The following GABBR2 variants were observed in gnomAD, a reference collection of about 807,000 sequenced individuals.
GABBR2 encodes the protein G-protein coupled receptor 51.
A neutral mutation model predicts 105.6 loss-of-function variants in GABBR2; 23 were observed. That is an observed-to-expected ratio of 0.22 (90% CI 0.16 to 0.31). The LOEUF (loss-of-function observed/expected upper bound fraction) is 0.31, where lower values mean the gene tolerates loss of function less well. Among genes scored for constraint, GABBR2 ranks in the 10% least tolerant of loss-of-function variants. The probability of loss-of-function intolerance (pLI) is 1.00; values close to 1 mark genes in which losing one functional copy is unlikely to be tolerated. For missense variants in GABBR2, 734 were observed against 1,245.5 expected (o/e 0.59, Z 6.18); for synonymous variants, 478 against 499.7 (o/e 0.96, Z 0.58).
intron 3 of GABBR2, among the ~76,000 whole-genome samples, chr9:98,531,801 T>A (rs187589414): frequency 2.7e-4 from 41 of 152,362 alleles, no homozygotes; most frequent in African/African-American, 9.6e-4. Context: ...CCATTGATTA[T>A]CTGCTTTAGA....
rs1830933257 is a variant in GABBR2 at position 98,708,570 on chromosome 9, G to C, written c.168C>G (p.Leu56=). 1 of 1,547,474 alleles carries C rather than the reference G, an allele frequency of 6.5e-7. No individual in the cohort carries two copies. Among genetic ancestry groups the C allele is most frequent in the Non-Finnish European group, 8.7e-7 (1 of 1,150,760 alleles). The change falls in exon 1 of 19, where the codon CTC becomes CTG. Residue 56 remains leucine (L), a synonymous_variant. Coordinates refer to ENST00000259455, the MANE Select transcript of GABBR2 (RefSeq NM_005458.8). ...TGAGCGGCATGAGGCCCATGATGGA[G>C]AGCGGCGGGCTGCTGGGCGGCGGCC... ...APRPPPSSPP[L]SIMGLMPLTK...
intron 1 of GABBR2, among the ~76,000 whole-genome samples, chr9:98,674,818 A>G (rs1392380642): frequency 1.3e-5 from 2 of 152,290 alleles, no homozygotes; most frequent in Middle Eastern, 6.8e-3. Context: ...TGGAGGGTTC[A>G]AGGCCATGGA....
At chr9:98,322,606 C>A (rs937328218) in intron 13 of GABBR2, among the ~76,000 whole-genome samples, 2 of 32,556 alleles carry the variant, frequency 6.1e-5, no homozygotes, top group Non-Finnish European at 1.2e-4. Flanking sequence ...ATGATCTGAC[C>A]CCCCCATACC....
chr9:98,408,634 T>C (rs1305351552), intron 7 of GABBR2, among the ~76,000 whole-genome samples: 2 of 152,240 alleles, frequency 1.3e-5, no homozygotes, highest in Non-Finnish European at 2.9e-5. Context: ...TACTGCGTGC[T>C]CGATACCCTT....
intron 1 of GABBR2, among the ~76,000 whole-genome samples, chr9:98,612,360 G>A (rs1328736631): frequency 1.3e-5 from 2 of 152,166 alleles, no homozygotes; most frequent in Admixed American, 6.5e-5. Context: ...CAACAGAAAC[G>A]TGGCCGGTCA....
chr9:98,434,605 G>C (rs976213808), intron 7 of GABBR2, among the ~76,000 whole-genome samples: 1 of 152,208 alleles, frequency 6.6e-6, no homozygotes, highest in African/African-American at 2.4e-5. Context: ...CTCAGCAGCT[G>C]ATATACACCA....
chr9:98,625,764 G>C lies in GABBR2; in HGVS notation c.322-47692C>G, dbSNP rs62562858. On this transcript the variant is annotated intron_variant, in intron 1 of 18. Transcript: ENST00000259455. ...CTCCTGTCCCCACAGGCCAGTCACA[G>C]TCTGGAGGGAATGCATTTAGGCAAC... 2.8e-3 allele frequency among the ~76,000 whole-genome samples: 429 copies of C among 152,324 alleles called. 4 individuals are homozygous for C. The highest frequency in any genetic ancestry group is 1.0e-2 in the African/African-American group (414 of 41,582).
At chr9:98,683,530 T>C in intron 1 of GABBR2, among the ~76,000 whole-genome samples, 1 of 152,198 alleles carries the variant, frequency 6.6e-6, no homozygotes, top group East Asian at 1.9e-4. Flanking sequence ...TCTCTACAAA[T>C]GTCCGAGATG....
chr9:98,539,011 T>A (rs1402496366), intron 3 of GABBR2, among the ~76,000 whole-genome samples: 1 of 152,176 alleles, frequency 6.6e-6, no homozygotes, highest in African/African-American at 2.4e-5. Context: ...CCTGAAACCC[T>A]GGCTGAGGGC....
chr9:98,312,326 T>C (rs1830648524), intron 13 of GABBR2, among the ~76,000 whole-genome samples: 1 of 152,248 alleles, frequency 6.6e-6, no homozygotes. Context: ...TCATTGTTTC[T>C]GAAAAATCTA....
intron 1 of GABBR2, among the ~76,000 whole-genome samples, chr9:98,685,416 T>C (rs776122100): frequency 2.6e-5 from 4 of 152,226 alleles, no homozygotes; most frequent in Non-Finnish European, 4.4e-5. Context: ...TAGTCCTTAA[T>C]AAACCCCCCT....
At chr9:98,510,683 C>A (rs200002563) in intron 3 of GABBR2, among the ~76,000 whole-genome samples, 1 of 152,090 alleles carries the variant, frequency 6.6e-6, no homozygotes, top group African/African-American at 2.4e-5. Context: ...AAGGCCATTA[C>A]ATAATGGTAA....
At chr9:98,621,988 A>T (rs1421013713) in intron 1 of GABBR2, among the ~76,000 whole-genome samples, 1 of 152,164 alleles carries the variant, frequency 6.6e-6, no homozygotes, top group African/African-American at 2.4e-5. Context: ...CCGAAAAAAA[A>T]ATGTGTCTTG....
chr9:98,389,688 C>T (rs1270772994), intron 9 of GABBR2, among the ~76,000 whole-genome samples: 1 of 152,166 alleles, frequency 6.6e-6, no homozygotes, highest in African/African-American at 2.4e-5. Context: ...TTCAAGAGCA[C>T]AAGGAACTCG....
At chr9:98,466,452 C>A (rs1274411299) in intron 6 of GABBR2, among the ~76,000 whole-genome samples, 1 of 152,200 alleles carries the variant, frequency 6.6e-6, no homozygotes, top group Non-Finnish European at 1.5e-5. Flanking sequence ...ATTAATGAAA[C>A]CATAAAAGGT....
intron 1 of GABBR2, among the ~76,000 whole-genome samples, chr9:98,708,149 C>T (rs1278262305): frequency 6.6e-6 from 1 of 152,134 alleles, no homozygotes; most frequent in African/African-American, 2.4e-5. Context: ...TCAAAAGAGA[C>T]CCCAGTCTTC....
intron 3 of GABBR2, among the ~76,000 whole-genome samples, chr9:98,501,812 C>T (rs373784973): frequency 6.6e-6 from 1 of 152,132 alleles, no homozygotes; most frequent in Non-Finnish European, 1.5e-5. Context: ...TAGGAAGTCC[C>T]ACATTTTTCA....
intron 2 of GABBR2, among the ~76,000 whole-genome samples, chr9:98,545,596 A>C (rs1250035927): frequency 2.0e-5 from 3 of 152,220 alleles, no homozygotes; most frequent in African/African-American, 7.2e-5. Context: ...ATCTAGCCCA[A>C]GCATCAGTAT....
At chr9:98,679,479 GTAAT>G (rs1307601423) in intron 1 of GABBR2, among the ~76,000 whole-genome samples, 1 of 152,234 alleles carries the variant, frequency 6.6e-6, no homozygotes, top group African/African-American at 2.4e-5. Context: ...AAAACACTGA[GTAAT>G]TAACTTAATG....
Sources: allele counts gnomAD v4.1 joint callset (sites outside exome capture counted in the v4.1 genomes callset), GRCh38; gene constraint gnomAD v4.1.1; transcripts MANE v1.5; gene names NCBI Gene and HGNC (gene_info 2026-07-23, HGNC 2026-07-21).